Variants in EPHA6 observed in about 807,000 individuals in gnomAD.
EPHA6 encodes ephrin type-A receptor 6.
Under a neutral mutation model 112.0 loss-of-function variants are expected in EPHA6, and 50 were observed. That is an observed-to-expected ratio of 0.45 (90% CI 0.36 to 0.56). EPHA6 has a LOEUF of 0.56. EPHA6 is among the 20% of genes least tolerant of loss of function. The pLI, the probability that EPHA6 is intolerant of heterozygous loss-of-function variation, is 0.00. For synonymous variants in EPHA6, 529 were observed against 490.7 expected, an observed-to-expected ratio of 1.08 and a Z score of -1.03; for missense variants, 1,280 against 1,417.4, an observed-to-expected ratio of 0.90 and a Z score of 1.56.
intron 11 of EPHA6, among the ~76,000 whole-genome samples, chr3:97,545,232 T>C (rs898691606): frequency 1.3e-5 from 2 of 152,160 alleles, no homozygotes; most frequent in Non-Finnish European, 2.9e-5. Flanking sequence ...ACACACTGCT[T>C]TGAATGTGTC....
intron 2 of EPHA6, among the ~76,000 whole-genome samples, chr3:96,913,194 ACACACACACACACACACAC>A (rs1306336666): frequency 1.5e-5 from 2 of 137,810 alleles, no homozygotes; most frequent in South Asian, 2.5e-4. Context: ...ACACACACAC[ACACACACACACACACACAC>A]CACACACACG....
intron 4 of EPHA6, among the ~76,000 whole-genome samples, chr3:97,227,091 AT>A (rs2078380255): frequency 6.6e-6 from 1 of 152,196 alleles, no homozygotes; most frequent in South Asian, 2.1e-4. Flanking sequence ...ATAAAAGTGA[AT>A]ATATTAATAC....
At chr3:97,580,987 T>A (rs557288132) in intron 11 of EPHA6, among the ~76,000 whole-genome samples, 2 of 152,222 alleles carry the variant, frequency 1.3e-5, no homozygotes, top group Non-Finnish European at 2.9e-5. Context: ...GAGTTAGGCC[T>A]GCAGAGAATG....
At chr3:97,403,267 TATTTA>T (rs935316494) in intron 5 of EPHA6, among the ~76,000 whole-genome samples, 1 of 152,158 alleles carries the variant, frequency 6.6e-6, no homozygotes, top group African/African-American at 2.4e-5. Flanking sequence ...AAGTTTTTCT[TATTTA>T]ATTCTTAAAG....
At chr3:97,404,998 G>A (rs2087244137) in intron 5 of EPHA6, among the ~76,000 whole-genome samples, 152 bp from the exon 6 acceptor site, 1 of 152,144 alleles carries the variant, frequency 6.6e-6, no homozygotes, top group Non-Finnish European at 1.5e-5. Flanking sequence ...ATCGAATAGA[G>A]CATATCGTAA....
intron 11 of EPHA6, among the ~76,000 whole-genome samples, chr3:97,584,643 G>A (rs902766080): frequency 6.6e-6 from 1 of 152,176 alleles, no homozygotes. Flanking sequence ...AGAATAGCAA[G>A]TAAGTTCTCT....
rs116741573 is a variant in EPHA6 at position 97,575,626 on chromosome 3, C to T, written c.2387-16986C>T. Among the ~76,000 whole-genome samples, 620 of 152,140 alleles carry T rather than the reference C, an allele frequency of 4.1e-3. 5 individuals carry two copies. Among genetic ancestry groups the T allele is most frequent in the African/African-American group, 0.013 (551 of 41,500 alleles). ...TTCTAAGTTGTTTAAATGTTAATAA[C>T]GATAGTTTGTGTATTATAGTGTGAT... is the stretch of plus-strand genomic sequence containing the variant. On this transcript the variant is annotated intron_variant, in intron 11 of 17. Coordinates refer to ENST00000389672, the MANE Select transcript of EPHA6 (RefSeq NM_001080448.3).
intron 11 of EPHA6, among the ~76,000 whole-genome samples, chr3:97,543,612 T>C (rs1192384519): frequency 3.9e-5 from 6 of 152,132 alleles, no homozygotes; most frequent in Non-Finnish European, 7.4e-5. Flanking sequence ...TTTAAAGTAG[T>C]TTTTTCCAAT....
At chr3:97,494,184 G>A (rs1483656572) in intron 10 of EPHA6, among the ~76,000 whole-genome samples, 1 of 152,078 alleles carries the variant, frequency 6.6e-6, no homozygotes, top group African/African-American at 2.4e-5. Flanking sequence ...TGTAACTTGT[G>A]TATCCACTGT....
chr3:97,327,392 T>G (rs1424520354), intron 5 of EPHA6, among the ~76,000 whole-genome samples: 2 of 152,074 alleles, frequency 1.3e-5, no homozygotes, highest in Admixed American at 6.6e-5. Context: ...CTTGCAAAAC[T>G]GTAGTGAAAT....
At chr3:97,418,144 T>C (rs1481231875) in intron 6 of EPHA6, among the ~76,000 whole-genome samples, 1 of 151,376 alleles carries the variant, frequency 6.6e-6, no homozygotes, top group East Asian at 1.9e-4. Flanking sequence ...AAATTAAATA[T>C]ATAATTATAA....
intron 3 of EPHA6, among the ~76,000 whole-genome samples, chr3:97,163,386 C>A (rs1386271165): frequency 6.6e-6 from 1 of 152,114 alleles, no homozygotes; most frequent in African/African-American, 2.4e-5. Context: ...ATTGCAAAAT[C>A]TCTGCTTATT....
rs2076257293 is a variant in EPHA6, at chr3:97,155,016, C to A, written c.1115-71248C>A. On this transcript the variant is annotated intron_variant, in intron 3 of 17. Coordinates refer to ENST00000389672, the MANE Select transcript of EPHA6 (RefSeq NM_001080448.3). ...TTATATTGTATCACAGTTTTCTATA[C>A]ATTTTCTAGGGAATTCCAACACTTT... Among the ~76,000 whole-genome samples the A allele has an allele frequency of 1.3e-5, 2 of 152,130 alleles. 1 individual carries two copies. The highest frequency in any genetic ancestry group is 4.1e-4 in the South Asian group (2 of 4,828).
chr3:97,614,017 A>G (rs1249670923), intron 13 of EPHA6, among the ~76,000 whole-genome samples: 1 of 152,216 alleles, frequency 6.6e-6, no homozygotes. Flanking sequence ...TTCCCATTTC[A>G]GAACATTCCA....
intron 2 of EPHA6, among the ~76,000 whole-genome samples, chr3:96,959,181 G>A (rs1270647440): frequency 1.3e-5 from 2 of 152,086 alleles, no homozygotes; most frequent in Non-Finnish European, 2.9e-5. Flanking sequence ...TTTATTGTCT[G>A]GTGTTTGTTT....
intron 2 of EPHA6, among the ~76,000 whole-genome samples, chr3:96,884,986 C>T (rs542344318): frequency 1.3e-4 from 20 of 152,068 alleles, no homozygotes; most frequent in South Asian, 2.1e-4. Context: ...AATGATCATG[C>T]GATTTTTGTT....
chr3:97,253,335 A>G (rs2079198491), intron 5 of EPHA6, among the ~76,000 whole-genome samples: 1 of 152,204 alleles, frequency 6.6e-6, no homozygotes, highest in Non-Finnish European at 1.5e-5. Context: ...TTTAGTAATG[A>G]AAGATTAAAA....
intron 2 of EPHA6, 23 bp downstream of exon 2, chr3:96,866,912 T>A (rs767578177): frequency 9.2e-5 from 126 of 1,371,004 alleles, no homozygotes; most frequent in Non-Finnish European, 1.1e-4. Flanking sequence ...ATCTGAAAAA[T>A]TGCTGTCTTT....
chr3:97,518,416 A>G (rs1312148944), intron 10 of EPHA6, among the ~76,000 whole-genome samples: 1 of 152,008 alleles, frequency 6.6e-6, no homozygotes, highest in Non-Finnish European at 1.5e-5. Flanking sequence ...ATAGTGCTGC[A>G]ATAAACATGG....
Sources: allele counts gnomAD v4.1 joint callset (sites outside exome capture counted in the v4.1 genomes callset), GRCh38; gene constraint gnomAD v4.1.1; transcripts MANE v1.5; gene names NCBI Gene and HGNC (gene_info 2026-07-23, HGNC 2026-07-21).